GRIP2: variants seen among roughly 807,000 people sequenced by gnomAD.
GRIP2 encodes glutamate receptor-interacting protein 2.
A neutral mutation model predicts 108.3 loss-of-function variants in GRIP2; 58 were observed. The ratio of observed to expected loss-of-function variants is 0.54; its 90% CI spans 0.43 to 0.67. GRIP2 has a LOEUF of 0.67. Ranked by LOEUF, GRIP2 falls within the 30% of genes least tolerant of loss-of-function variation. The pLI is 0.00. For synonymous variants in GRIP2, 586 were observed against 598.2 expected (o/e 0.98, Z 0.30); for missense variants, 1,278 against 1,430.6 (o/e 0.89, Z 1.72).
At chr3:14,569,537 C>T in the GRIP2 span, among the ~76,000 whole-genome samples, 4 of 152,284 alleles carry the variant, frequency 2.6e-5, no homozygotes, top group African/African-American at 7.2e-5. Context: ...TTCTGGTTGC[C>T]GGATCGTGGG....
At chr3:14,602,656 C>G in the GRIP2 span, among the ~76,000 whole-genome samples, 1 of 151,804 alleles carries the variant, frequency 6.6e-6, no homozygotes, top group South Asian at 2.1e-4. This position sits in a 1 kb window ranked among gnomAD's most constrained non-coding sequence, Gnocchi z 4.7. Flanking sequence ...GGCGCCCTGC[C>G]CCGGGTCCCA....
chr3:14,602,652 C>T, the GRIP2 span, among the ~76,000 whole-genome samples: 1 of 151,740 alleles, frequency 6.6e-6, no homozygotes, highest in Non-Finnish European at 1.5e-5. This position sits in a 1 kb window ranked among gnomAD's most constrained non-coding sequence, Gnocchi z 4.7. Context: ...GGCGGGCGCC[C>T]TGCCCCGGGT....
chr3:14,494,180 C>A (rs1693504224), intron 23 of GRIP2, among the ~76,000 whole-genome samples: 1 of 152,244 alleles, frequency 6.6e-6, no homozygotes, highest in Non-Finnish European at 1.5e-5. Flanking sequence ...GCATTTTACA[C>A]CCACTTTCTA....
chr3:14,574,316 C>T, the GRIP2 span: 1 of 1,010,416 alleles, frequency 9.9e-7, no homozygotes, highest in East Asian at 2.5e-5. Context: ...ACAGCCGCTT[C>T]TCCCGGGCGA....
chr3:14,517,294 C>A, intron 10 of GRIP2, 81 bp from the exon 11 acceptor site: 1 of 1,400,854 alleles, frequency 7.1e-7, no homozygotes, highest in Non-Finnish European at 9.5e-7. Flanking sequence ...GGAAGCCACC[C>A]AACCACAGGG....
At chr3:14,594,455 C>G in the GRIP2 span, among the ~76,000 whole-genome samples, 2 of 152,236 alleles carry the variant, frequency 1.3e-5, no homozygotes, top group Non-Finnish European at 2.9e-5. Flanking sequence ...TGGCAGCCTT[C>G]CTTCCCTGGG....
At chr3:14,527,108 A>G (rs559739915) in intron 1 of GRIP2, among the ~76,000 whole-genome samples, 1 of 152,242 alleles carries the variant, frequency 6.6e-6, no homozygotes, top group East Asian at 1.9e-4. Context: ...AATCACTTGA[A>G]TTTGGGAAGT....
At chr3:14,572,260 C>CT in the GRIP2 span, among the ~76,000 whole-genome samples, 112 of 147,242 alleles carry the variant, frequency 7.6e-4, no homozygotes, top group East Asian at 1.2e-3. Flanking sequence ...CGCAATGGAA[C>CT]TTTTTTTTTT....
At chr3:14,598,738 C>A in the GRIP2 span, among the ~76,000 whole-genome samples, 1 of 152,270 alleles carries the variant, frequency 6.6e-6, no homozygotes, top group East Asian at 1.9e-4. Context: ...TGATCTGATT[C>A]CTCCAACCTT....
At chr3:14,577,154 A>G in the GRIP2 span, among the ~76,000 whole-genome samples, 1 of 152,192 alleles carries the variant, frequency 6.6e-6, no homozygotes, top group Non-Finnish European at 1.5e-5. Context: ...TTCATCTGTC[A>G]ATTTTTAGAT....
At chr3:14,567,444 G>A in the GRIP2 span, among the ~76,000 whole-genome samples, 1 of 152,068 alleles carries the variant, frequency 6.6e-6, no homozygotes, top group African/African-American at 2.4e-5. Flanking sequence ...AGGAGTCATG[G>A]CATCCCAGGA....
At chr3:14,596,639 A>G in the GRIP2 span, among the ~76,000 whole-genome samples, 1 of 152,234 alleles carries the variant, frequency 6.6e-6, no homozygotes, top group African/African-American at 2.4e-5. Context: ...GAAAGGTGAT[A>G]TATGAGCACT....
the GRIP2 span, among the ~76,000 whole-genome samples, chr3:14,571,512 G>A: frequency 6.6e-6 from 1 of 152,126 alleles, no homozygotes; most frequent in African/African-American, 2.4e-5. Context: ...AAGACACCGG[G>A]GCACAGACAA....
rs1185498205 is a variant in GRIP2 at position 14,493,799 on chromosome 3, CG to C, written c.2997del (p.Phe999LeufsTer19). On this transcript the variant is annotated frameshift_variant, in exon 24 of 24. Coordinates refer to ENST00000621039, the MANE Select transcript of GRIP2 (RefSeq NM_001080423.4). LOFTEE classifies it high-confidence loss of function. ...AGGAGTGGCACCGCCAGGCAGCAGTCGAAGTCCCGTGTACGGACGTGGTTGA... is the reference window on the plus strand; with the variant it reads ...AGGAGTGGCACCGCCAGGCAGCAGTCAAGTCCCGTGTACGGACGTGGTTGA... ...LQVNHVRTRDFDCCLAVPLLA... is the reference protein window; with the variant it reads ...LQVNHVRTRDXDCCLAVPLLA... 1 of 1,613,340 alleles carries C rather than the reference CG, an allele frequency of 6.2e-7. No homozygotes were observed.
At chr3:14,591,933 C>A in the GRIP2 span, among the ~76,000 whole-genome samples, 1 of 152,198 alleles carries the variant, frequency 6.6e-6, no homozygotes, top group Admixed American at 6.5e-5. Context: ...GCCTCTCGGG[C>A]CTCTGTATCC....
the GRIP2 span, among the ~76,000 whole-genome samples, chr3:14,589,260 G>C: frequency 3.9e-5 from 6 of 152,138 alleles, no homozygotes; most frequent in African/African-American, 1.4e-4. Context: ...TATACCTCGT[G>C]ATAAAACAGC....
At chr3:14,562,566 T>A in the GRIP2 span, among the ~76,000 whole-genome samples, 3 of 152,184 alleles carry the variant, frequency 2.0e-5, no homozygotes, top group East Asian at 5.8e-4. Flanking sequence ...GTATACGCAG[T>A]GTTTTAGGAG....
chr3:14,506,500 G>A (rs1693931374), intron 19 of GRIP2, among the ~76,000 whole-genome samples: 1 of 152,210 alleles, frequency 6.6e-6, no homozygotes, highest in African/African-American at 2.4e-5. Flanking sequence ...AGGAAGGAAG[G>A]CTACAGTAGA....
In GRIP2 at chr3:14,507,456, G is replaced by T; in HGVS notation, c.2218+105C>A. The T allele has an allele frequency of 5.0e-6, 7 of 1,394,970 alleles. No individual in the cohort carries two copies. Among genetic ancestry groups the T allele is most frequent in the Non-Finnish European group, 7.0e-6 (7 of 1,001,146 alleles). The allele number at this position is 1,394,970 out of a possible 1,614,324, so 86.4% of individuals were successfully genotyped here. A position where few individuals can be genotyped will look rare whatever the true frequency, so the allele number is the denominator to read the frequency against. On this transcript the variant is annotated intron_variant, in intron 18 of 23. Coordinates refer to ENST00000621039, the MANE Select transcript of GRIP2 (RefSeq NM_001080423.4). This position sits in a 1 kb window ranked among gnomAD's most constrained non-coding sequence, Gnocchi z 4.6. ...TGCCATCGCAGGCCCGCCTCCACAGGGCTGCAGTGAGGACTCTGTGAGGGT... is the reference window on the plus strand; with the variant it reads ...TGCCATCGCAGGCCCGCCTCCACAGTGCTGCAGTGAGGACTCTGTGAGGGT...
Sources: gnomAD v4.1 joint callset for allele counts (sites outside exome capture counted in the v4.1 genomes callset) on GRCh38, gnomAD v4.1.1 for gene constraint, Gnocchi (gnomAD v3.1) non-coding constraint, MANE v1.5 for transcripts, NCBI Gene and HGNC (gene_info 2026-07-23, HGNC 2026-07-21) for gene names.